Variants in NUP160 observed in about 807,000 individuals in gnomAD.
The protein encoded by NUP160 is nucleoporin 160.
A neutral mutation model predicts 196.9 loss-of-function variants in NUP160; 94 were observed. The ratio of observed to expected loss-of-function variants is 0.48; its 90% confidence interval spans 0.40 to 0.57. The LOEUF is 0.57. Ranked by LOEUF, NUP160 falls within the 20% of genes least tolerant of loss-of-function variation. The probability of loss-of-function intolerance (pLI) is 0.00; values close to 1 mark genes in which losing one functional copy is unlikely to be tolerated. For missense variants in NUP160, 1,638 were observed against 1,748.3 expected, an observed-to-expected ratio of 0.94 and a Z score of 1.13; for synonymous variants, 605 against 619.7, an observed-to-expected ratio of 0.98 and a Z score of 0.35.
At chr11:47,848,484 G>A, upstream of NUP160, 1 of 1,299,080 alleles carries the variant, frequency 7.7e-7, no homozygotes, top group Non-Finnish European at 1.0e-6. Flanking sequence ...AATGAGGGTG[G>A]GCAGCGAGGA....
chr11:47,779,674 T>C (rs1715669949), intron 35 of NUP160: 1 of 468,124 alleles, frequency 2.1e-6, no homozygotes, highest in African/African-American at 2.0e-5. Flanking sequence ...TGAGAAATGT[T>C]GTTATATATG....
At position 47,788,441 on chromosome 11, in the gene NUP160, G is replaced by C. The variant is rs2097665948; in HGVS notation, c.3622+60C>G. The C allele has an allele frequency of 3.9e-6, 6 of 1,547,200 alleles. No homozygotes were observed. The African/African-American group carries it at 4.1e-5, about 11-fold the overall frequency. On this transcript the variant is annotated intron_variant, in intron 30 of 35. Coordinates refer to ENST00000378460, the Ensembl canonical transcript of NUP160. ...ATCTACCATGCTACATACACTGCCT[G>C]GACCTAAAATGTGCTCGTGGTGCTG... is the stretch of plus-strand genomic sequence containing the variant.
intron 2 of NUP160, among the ~76,000 whole-genome samples, chr11:47,840,887 C>T (rs1038779658): frequency 3.9e-5 from 6 of 152,204 alleles, no homozygotes; most frequent in Non-Finnish European, 5.9e-5. Flanking sequence ...CACCATACCC[C>T]GGCCATTGCT....
intron 9 of NUP160, 34 bp from the exon 10 acceptor site, chr11:47,819,492 A>C (rs755353140): frequency 6.8e-7 from 1 of 1,461,402 alleles, no homozygotes. Flanking sequence ...TTTATACAGA[A>C]ATGATCACTA....
chr11:47,783,162 T>C (rs142617948), exon 34 of NUP160: 17 of 1,613,710 alleles, frequency 1.1e-5, no homozygotes, highest in Non-Finnish European at 1.3e-5. Flanking sequence ...AGGTCATAGT[T>C]TAAGTATAAA....
intron 13 of NUP160, chr11:47,815,267 A>G (rs1407891600): frequency 2.6e-6 from 1 of 387,948 alleles, no homozygotes; most frequent in Non-Finnish European, 4.5e-6. Flanking sequence ...AATACAAAAA[A>G]AGTATAGAGA....
intron 9 of NUP160, among the ~76,000 whole-genome samples, chr11:47,820,449 T>G (rs1851834224): frequency 1.3e-5 from 2 of 152,216 alleles, no homozygotes; most frequent in Admixed American, 1.3e-4. Context: ...TACACATTCA[T>G]AGCTCACTGA....
At chr11:47,800,415 A>C (rs1599315775) in intron 23 of NUP160, among the ~76,000 whole-genome samples, 1 of 144,846 alleles carries the variant, frequency 6.9e-6, no homozygotes, top group Admixed American at 7.0e-5. Context: ...TTTGAGGTGG[A>C]GTCTTGTTTT....
At chr11:47,829,498 G>A (rs1422936549) in intron 7 of NUP160, among the ~76,000 whole-genome samples, 1 of 152,018 alleles carries the variant, frequency 6.6e-6, no homozygotes, top group Non-Finnish European at 1.5e-5. Context: ...TTAGAGATGG[G>A]GTTTCACCAT....
chr11:47,840,996 T>G (rs970633466), intron 2 of NUP160, among the ~76,000 whole-genome samples: 1 of 148,964 alleles, frequency 6.7e-6, no homozygotes, highest in African/African-American at 2.5e-5. Flanking sequence ...TAACCTGCAA[T>G]AGCATGCATG....
intron 6 of NUP160, among the ~76,000 whole-genome samples, chr11:47,836,120 T>C (rs968781185): frequency 1.3e-5 from 2 of 152,108 alleles, no homozygotes; most frequent in Admixed American, 6.5e-5. Flanking sequence ...CAGTGGTGCA[T>C]GCCTGTTATC....
chr11:47,835,476 T>C (rs548764142), intron 7 of NUP160, among the ~76,000 whole-genome samples, 175 bp downstream of exon 7: 7 of 149,402 alleles, frequency 4.7e-5, no homozygotes, highest in Admixed American at 1.3e-4. Flanking sequence ...CTTCCTTTCA[T>C]ACTGACCCCT....
At chr11:47,808,151 G>A (rs1159586785) in intron 18 of NUP160, among the ~76,000 whole-genome samples, 1 of 152,124 alleles carries the variant, frequency 6.6e-6, no homozygotes, top group Non-Finnish European at 1.5e-5. Context: ...CATGATGGCA[G>A]GTGCCTGAAA....
At chr11:47,782,306 ATATATATATATATATATATATATAT>A (rs1565184609) in intron 34 of NUP160, among the ~76,000 whole-genome samples, 5,820 of 42,228 alleles carry the variant, frequency 0.14, 890 homozygotes, top group Non-Finnish European at 0.17. Flanking sequence ...AAAAAAAAAT[ATATATATATATATATATATATATAT>A]ATATATATAT....
At chr11:47,813,868 G>C (rs1413035792) in intron 13 of NUP160, among the ~76,000 whole-genome samples, 1 of 151,676 alleles carries the variant, frequency 6.6e-6, no homozygotes, top group African/African-American at 2.4e-5. Context: ...TCAGGGGATC[G>C]AGACCATCCT....
intron 33 of NUP160, among the ~76,000 whole-genome samples, chr11:47,783,830 A>G (rs1204559858): frequency 6.6e-6 from 1 of 152,028 alleles, no homozygotes; most frequent in Non-Finnish European, 1.5e-5. Flanking sequence ...AGTAGCTGAG[A>G]TTACAGGCAC....
At chr11:47,789,371 C>T (rs1442416683) in intron 29 of NUP160, among the ~76,000 whole-genome samples, 1 of 151,864 alleles carries the variant, frequency 6.6e-6, no homozygotes, top group African/African-American at 2.4e-5. Flanking sequence ...AGAAATATGA[C>T]CAAACTGTGA....
At chr11:47,813,402 A>G (rs1565198563) in exon 14 of NUP160, 1 of 1,607,976 alleles carries the variant, frequency 6.2e-7, no homozygotes. Flanking sequence ...GGGAATAAGG[A>G]AAGACAGGTA....
At chr11:47,790,556 T>G (rs970132040) in intron 29 of NUP160, among the ~76,000 whole-genome samples, 1 of 152,134 alleles carries the variant, frequency 6.6e-6, no homozygotes, top group African/African-American at 2.4e-5. Flanking sequence ...CCACCGCACC[T>G]GGCCTATACT....
Sources: gnomAD v4.1 joint callset for allele counts (sites outside exome capture counted in the v4.1 genomes callset) on GRCh38, gnomAD v4.1.1 for gene constraint, MANE v1.5 for transcripts, NCBI Gene and HGNC (gene_info 2026-07-23, HGNC 2026-07-21) for gene names.